MALRD1: variants seen among roughly 807,000 people sequenced by gnomAD.
MALRD1 encodes MAM and LDL receptor class A domain containing 1, also known as MAM and LDL-receptor class A domain-containing protein 1.
A neutral mutation model predicts 242.1 loss-of-function variants in MALRD1; 247 were observed. The observed-to-expected ratio is 1.02, with a 90% CI of 0.92 to 1.13. MALRD1 has a LOEUF of 1.13. Among genes scored for constraint, MALRD1 ranks in the 50% most tolerant of loss-of-function variants. The pLI, the probability that MALRD1 is intolerant of heterozygous loss-of-function variation, is 0.00. For synonymous variants in MALRD1, 995 were observed against 866.6 expected (o/e 1.15, Z -2.60); for missense variants, 2,989 against 2,533.1 (o/e 1.18, Z -3.86).
At chr10:19,668,767 T>C (rs1417297368) in intron 36 of MALRD1, among the ~76,000 whole-genome samples, 1 of 151,588 alleles carries the variant, frequency 6.6e-6, no homozygotes, top group African/African-American at 2.4e-5. Context: ...TTCAACCCCT[T>C]CTCCTCCAAA....
chr10:19,640,328 GTCC>G (rs2131676165), intron 36 of MALRD1, among the ~76,000 whole-genome samples: 1 of 151,910 alleles, frequency 6.6e-6, no homozygotes, highest in African/African-American at 2.4e-5. Flanking sequence ...ACCTCAGGTG[GTCC>G]ACCCACCTCG....
intron 29 of MALRD1, among the ~76,000 whole-genome samples, chr10:19,484,420 T>C (rs932026976): frequency 3.3e-5 from 5 of 152,324 alleles, no homozygotes; most frequent in African/African-American, 1.2e-4. Flanking sequence ...AGTTTTCAGT[T>C]TTTTTAAAGA....
At position 19,136,622 on chromosome 10, in the gene MALRD1, G is replaced by A; in HGVS notation, c.1252G>A (p.Asp418Asn). 1.6e-6 allele frequency: 2 copies of A among 1,231,584 alleles called. No individual in the cohort carries two copies. The highest frequency in any genetic ancestry group is 1.0e-6 in the Non-Finnish European group (1 of 987,944). The allele number at this position is 1,231,584 out of a possible 1,614,324, so 76.3% of individuals were successfully genotyped here. ...GAGCCAGAGAAGTTTTATTGCCCTT[G>A]ATCACCTCTGGGTCTATGCCTGTGG... ...LLSQRSFIAL[D>N]HLWVYACGQT... The change falls in exon 10 of 40, where the codon GAT becomes AAT. Residue 418 changes from aspartate to asparagine, a missense_variant. Physicochemically the swap from Asp to Asn is conservative, Grantham distance 23. Coordinates refer to ENST00000454679, the MANE Select transcript of MALRD1 (RefSeq NM_001142308.3).
intron 36 of MALRD1, among the ~76,000 whole-genome samples, chr10:19,622,911 G>A (rs1201018637): frequency 6.6e-6 from 1 of 151,922 alleles, no homozygotes; most frequent in Non-Finnish European, 1.5e-5. Flanking sequence ...TCTGGACAAA[G>A]ATGAACTTTT....
intron 22 of MALRD1, among the ~76,000 whole-genome samples, 200 bp from the exon 23 acceptor site, chr10:19,327,363 G>A (rs1292332038): frequency 6.6e-6 from 1 of 151,886 alleles, no homozygotes; most frequent in Non-Finnish European, 1.5e-5. Context: ...CATCTTTATT[G>A]TAGAAAGCTT....
chr10:19,713,798 G>T (rs1387914966), intron 38 of MALRD1, among the ~76,000 whole-genome samples: 3 of 152,242 alleles, frequency 2.0e-5, no homozygotes, highest in African/African-American at 7.2e-5. Context: ...GAAGTGGTCA[G>T]TCTGGTTCTG....
intron 2 of MALRD1, among the ~76,000 whole-genome samples, chr10:19,074,500 C>A (rs753254367): frequency 2.0e-5 from 3 of 152,064 alleles, no homozygotes; most frequent in Non-Finnish European, 4.4e-5. Context: ...ACAATCTTGA[C>A]ATCTTTTGTG....
chr10:19,661,956 T>C lies in MALRD1; in HGVS notation c.6138-30326T>C, dbSNP rs995674115. 5.9e-5 allele frequency among the ~76,000 whole-genome samples: 9 copies of C among 152,236 alleles called. 1 individual carries two copies. The South Asian group carries it at 1.7e-3, about 28-fold the overall frequency. ...ACACCTAGATGAACAAAATAAGTAC[T>C]TCAGGTTCAAAAACTGAGATTCTAA... On this transcript the variant is annotated intron_variant, in intron 36 of 39. Coordinates refer to ENST00000454679, the MANE Select transcript of MALRD1 (RefSeq NM_001142308.3).
rs530014530 is a variant in MALRD1, at chr10:19,270,127, C to T, written c.3080-9920C>T. On this transcript the variant is annotated intron_variant, in intron 19 of 39. Coordinates refer to ENST00000454679, the MANE Select transcript of MALRD1 (RefSeq NM_001142308.3). ...GTCAGGAGTTTGAGACCAGCCTGGC[C>T]AACACGGTGAAACCCGGTCTCTACT... Among the ~76,000 whole-genome samples the T allele has an allele frequency of 3.3e-5, 5 of 152,162 alleles. No individual in the cohort carries two copies. In the East Asian group the frequency reaches 9.7e-4, roughly 29 times the overall value.
chr10:19,100,637 A>T (rs1191791017), intron 4 of MALRD1, among the ~76,000 whole-genome samples: 1 of 152,172 alleles, frequency 6.6e-6, no homozygotes, highest in Non-Finnish European at 1.5e-5. Flanking sequence ...CTCCAATCCG[A>T]GGAGAAAGGA....
intron 31 of MALRD1, among the ~76,000 whole-genome samples, chr10:19,521,000 C>G (rs1347001961): frequency 6.6e-6 from 1 of 151,994 alleles, no homozygotes; most frequent in Non-Finnish European, 1.5e-5. Flanking sequence ...CAAGCACGAC[C>G]CAAATGATGC....
intron 23 of MALRD1, among the ~76,000 whole-genome samples, chr10:19,330,175 C>A (rs1044672030): frequency 8.6e-5 from 13 of 151,860 alleles, no homozygotes; most frequent in Admixed American, 3.3e-4. Flanking sequence ...TCTTTCCAAG[C>A]TCACCTACTA....
chr10:19,204,022 T>C, intron 15 of MALRD1, 142 bp downstream of exon 15: 6 of 1,126,658 alleles, frequency 5.3e-6, no homozygotes, highest in Non-Finnish European at 7.7e-6. Context: ...AGTTATGCTG[T>C]CTGCATGGAC....
intron 38 of MALRD1, among the ~76,000 whole-genome samples, chr10:19,701,008 G>A (rs573467256): frequency 3.4e-4 from 52 of 152,208 alleles, no homozygotes; most frequent in African/African-American, 1.2e-3. Flanking sequence ...AATTAGCCAG[G>A]CATGGTGGTA....
At chr10:19,061,578 T>G (rs1364999114) in intron 1 of MALRD1, among the ~76,000 whole-genome samples, 1 of 152,136 alleles carries the variant, frequency 6.6e-6, no homozygotes, top group Non-Finnish European at 1.5e-5. Flanking sequence ...AGTGTGGTAT[T>G]GACATAAAGA....
chr10:19,586,089 G>A (rs1480145999), intron 33 of MALRD1, among the ~76,000 whole-genome samples: 1 of 151,982 alleles, frequency 6.6e-6, no homozygotes, highest in East Asian at 1.9e-4. Context: ...GCTCCTTTAA[G>A]CACTTCTCTG....
rs563402549 is a variant in MALRD1 at position 19,058,224 on chromosome 10, A to G, written c.200-8495A>G. On this transcript the variant is annotated intron_variant, in intron 1 of 39. Coordinates refer to ENST00000454679, the MANE Select transcript of MALRD1 (RefSeq NM_001142308.3). ...TTCCATGGAGCAGCTGGAATTCACA[A>G]ACAATTCTGTCTGATCCTGAAACAT... Among the ~76,000 whole-genome samples, 92 of 152,328 alleles carry G rather than the reference A, an allele frequency of 6.0e-4. 1 individual carries two copies. The highest frequency in any genetic ancestry group is 3.4e-3 in the Middle Eastern group (1 of 294).
At chr10:19,218,636 TA>T in intron 18 of MALRD1, among the ~76,000 whole-genome samples, 1 of 152,282 alleles carries the variant, frequency 6.6e-6, no homozygotes, top group East Asian at 1.9e-4. Flanking sequence ...TTATTTGGTC[TA>T]ACCCATTTAT....
intron 31 of MALRD1, among the ~76,000 whole-genome samples, chr10:19,519,937 CAT>C (rs760306681): frequency 1.2e-4 from 18 of 152,242 alleles, no homozygotes; most frequent in Admixed American, 4.6e-4. Flanking sequence ...AAAGGAATAA[CAT>C]ATAACTAAAG....
Sources: gnomAD v4.1 joint callset for allele counts (sites outside exome capture counted in the v4.1 genomes callset) on GRCh38, gnomAD v4.1.1 for gene constraint, MANE v1.5 for transcripts, NCBI Gene and HGNC (gene_info 2026-07-23, HGNC 2026-07-21) for gene names.